RANBP2: variants seen among roughly 807,000 people sequenced by gnomAD.
RANBP2 encodes the protein E3 SUMO-protein ligase RanBP2.
In RANBP2, 57 loss-of-function variants were observed where a neutral mutation model predicts 303.6. The observed-to-expected ratio is 0.19, with a 90% CI of 0.15 to 0.23. RANBP2 has a LOEUF of 0.23. RANBP2 is among the 10% of genes least tolerant of loss of function. The pLI is 1.00. For synonymous variants in RANBP2, 1,167 were observed against 1,301.5 expected, an observed-to-expected ratio of 0.90 and a Z score of 2.23; for missense variants, 3,138 against 3,780.8, an observed-to-expected ratio of 0.83 and a Z score of 4.46.
At chr2:109,224,339 T>C in the RANBP2 span, among the ~76,000 whole-genome samples, 1 of 152,242 alleles carries the variant, frequency 6.6e-6, no homozygotes, top group African/African-American at 2.4e-5. Context: ...AATAAGCACA[T>C]TTTCAGATAC....
At chr2:108,932,282 A>T in the RANBP2 span, among the ~76,000 whole-genome samples, 1 of 152,094 alleles carries the variant, frequency 6.6e-6, no homozygotes, top group Admixed American at 6.5e-5. Flanking sequence ...TAATCCCAGC[A>T]CTTTGGGAGG....
chr2:108,747,846 G>T (rs1236126153), intron 8 of RANBP2, among the ~76,000 whole-genome samples: 1 of 152,124 alleles, frequency 6.6e-6, no homozygotes, highest in Non-Finnish European at 1.5e-5. Context: ...AAAGTGTACG[G>T]TTCAGTGGCT....
chr2:109,189,289 T>C, the RANBP2 span, among the ~76,000 whole-genome samples: 1 of 151,846 alleles, frequency 6.6e-6, no homozygotes. Flanking sequence ...CTTGGCATTC[T>C]GATTGTCAGG....
At chr2:108,992,974 G>A in the RANBP2 span, among the ~76,000 whole-genome samples, 1 of 150,504 alleles carries the variant, frequency 6.6e-6, no homozygotes, top group Non-Finnish European at 1.5e-5. Context: ...CAGAGCACCC[G>A]CTACTCATGT....
chr2:109,399,673 A>T, the RANBP2 span, among the ~76,000 whole-genome samples: 1 of 152,238 alleles, frequency 6.6e-6, no homozygotes, highest in Non-Finnish European at 1.5e-5. Flanking sequence ...AATGAACAAT[A>T]TTTAGTAAGT....
chr2:109,524,031 G>A, the RANBP2 span, among the ~76,000 whole-genome samples: 2 of 152,134 alleles, frequency 1.3e-5, no homozygotes, highest in Non-Finnish European at 2.9e-5. Context: ...TGCCTTCCCC[G>A]AGGGACAGGA....
At chr2:108,866,992 ATTATATTG>A in the RANBP2 span, among the ~76,000 whole-genome samples, 3 of 152,170 alleles carry the variant, frequency 2.0e-5, no homozygotes, top group Admixed American at 6.5e-5. Flanking sequence ...ATGTAAACAG[ATTATATTG>A]TTATATTGTT....
chr2:109,487,921 T>C, the RANBP2 span, among the ~76,000 whole-genome samples: 1 of 152,214 alleles, frequency 6.6e-6, no homozygotes, highest in African/African-American at 2.4e-5. Context: ...ACGACCCCTG[T>C]ACTTCCAAAG....
At chr2:108,723,108 G>A (rs1218500404) in intron 1 of RANBP2, among the ~76,000 whole-genome samples, 10 of 152,074 alleles carry the variant, frequency 6.6e-5, no homozygotes, top group East Asian at 5.8e-4. Flanking sequence ...ATTTTTGGGC[G>A]TAAATGATCC....
chr2:109,613,756 C>T, the RANBP2 span: 1 of 1,187,102 alleles, frequency 8.4e-7, no homozygotes, highest in Non-Finnish European at 1.1e-6. Context: ...CCGCGGGGGC[C>T]GGGGAGCGCG....
At chr2:109,602,081 T>C in the RANBP2 span, among the ~76,000 whole-genome samples, 1 of 152,164 alleles carries the variant, frequency 6.6e-6, no homozygotes, top group Non-Finnish European at 1.5e-5. Context: ...AGCACTGAGC[T>C]CAGACCCTGG....
At chr2:108,992,900 A>G in the RANBP2 span, among the ~76,000 whole-genome samples, 1 of 152,184 alleles carries the variant, frequency 6.6e-6, no homozygotes, top group Non-Finnish European at 1.5e-5. Context: ...CAGCTCTGTC[A>G]GTGGTAACCT....
At chr2:109,546,230 G>T in the RANBP2 span, 1 of 1,541,466 alleles carries the variant, frequency 6.5e-7, no homozygotes, top group Non-Finnish European at 8.7e-7. Context: ...CTCAAATTTG[G>T]CCTGTAGCTG....
the RANBP2 span, among the ~76,000 whole-genome samples, chr2:109,248,134 T>G: frequency 6.6e-6 from 1 of 152,250 alleles, no homozygotes; most frequent in African/African-American, 2.4e-5. Flanking sequence ...TGTTTTCTTT[T>G]GATTGTTGAT....
the RANBP2 span, among the ~76,000 whole-genome samples, chr2:109,480,584 A>G: frequency 6.6e-6 from 1 of 152,162 alleles, no homozygotes; most frequent in African/African-American, 2.4e-5. Context: ...CGCAGGGTAG[A>G]GGTCATCCCG....
At chr2:109,200,038 C>T in the RANBP2 span, among the ~76,000 whole-genome samples, 4 of 151,834 alleles carry the variant, frequency 2.6e-5, no homozygotes, top group African/African-American at 4.8e-5. Context: ...ATGGGACAGC[C>T]CCCCACAGAG....
the RANBP2 span, among the ~76,000 whole-genome samples, chr2:109,209,496 C>T: frequency 6.6e-6 from 1 of 152,116 alleles, no homozygotes; most frequent in Non-Finnish European, 1.5e-5. Context: ...GCTGGGAGAG[C>T]AGGCCTGGGT....
chr2:109,378,058 C>T, the RANBP2 span, among the ~76,000 whole-genome samples: 3 of 152,230 alleles, frequency 2.0e-5, no homozygotes, highest in Non-Finnish European at 4.4e-5. Flanking sequence ...TCGGCCCTTG[C>T]CTGGGCCAGG....
At chr2:109,603,482 G>A in the RANBP2 span, among the ~76,000 whole-genome samples, 1,194 of 152,026 alleles carry the variant, frequency 7.9e-3, 16 homozygotes, top group African/African-American at 0.028. Context: ...CTCGTGATCC[G>A]CCTGCCTCAG....
Sources: allele counts gnomAD v4.1 joint callset (sites outside exome capture counted in the v4.1 genomes callset), GRCh38; gene constraint gnomAD v4.1.1; transcripts MANE v1.5; gene names NCBI Gene and HGNC (gene_info 2026-07-23, HGNC 2026-07-21).